The following MYO1H variants were observed in gnomAD, a reference collection of about 807,000 sequenced individuals.
MYO1H encodes myosin IH.
MYO1H carries 118 observed loss-of-function variants against 149.3 expected under a neutral mutation model. The observed-to-expected ratio is 0.79, with a 90% CI of 0.68 to 0.92. The LOEUF is 0.92. Ranked by LOEUF, MYO1H falls within the 40% of genes least tolerant of loss-of-function variation. The pLI, the probability that MYO1H is intolerant of heterozygous loss-of-function variation, is 0.00. For missense variants in MYO1H, 1,212 were observed against 1,280.7 expected, an observed-to-expected ratio of 0.95 and a Z score of 0.82; for synonymous variants, 447 against 465.2, an observed-to-expected ratio of 0.96 and a Z score of 0.50.
chr12:109,324,196 C>G, the MYO1H span, among the ~76,000 whole-genome samples: 1 of 152,150 alleles, frequency 6.6e-6, no homozygotes, highest in Non-Finnish European at 1.5e-5. Flanking sequence ...GGTCAACTGA[C>G]CAGAATGCCT....
exon 29 of MYO1H, chr12:109,444,248 G>T (rs1206006972): frequency 6.2e-7 from 1 of 1,613,750 alleles, no homozygotes; most frequent in African/African-American, 1.3e-5. Flanking sequence ...TGGAATCTTA[G>T]TCATTCATGT....
chr12:109,344,329 A>G (rs951747799), upstream of MYO1H, among the ~76,000 whole-genome samples: 1 of 152,212 alleles, frequency 6.6e-6, no homozygotes, highest in African/African-American at 2.4e-5. Flanking sequence ...CACAAAAGTC[A>G]ACTATATTTT....
the MYO1H span, among the ~76,000 whole-genome samples, chr12:109,333,801 G>C: frequency 6.6e-6 from 1 of 152,252 alleles, no homozygotes; most frequent in Admixed American, 6.5e-5. Flanking sequence ...TTTGGACTTA[G>C]AATGTTTTCA....
intron 30 of MYO1H, 24 bp downstream of exon 30, chr12:109,444,553 AG>A: frequency 6.4e-7 from 1 of 1,560,058 alleles, no homozygotes; most frequent in Non-Finnish European, 8.8e-7. Context: ...TCTTCAGCTC[AG>A]GAAGTAATTC....
chr12:109,320,734 C>T, the MYO1H span, among the ~76,000 whole-genome samples: 1 of 151,472 alleles, frequency 6.6e-6, no homozygotes, highest in East Asian at 1.9e-4. Flanking sequence ...AGAAGACAAA[C>T]TGTAAAAGGA....
At chr12:109,354,630 A>AAAAAAAAG (rs796354256) in intron 1 of MYO1H, among the ~76,000 whole-genome samples, 5,880 of 133,730 alleles carry the variant, frequency 0.044, 555 homozygotes, top group African/African-American at 0.16. Context: ...AAAAAAAAAA[A>AAAAAAAAG]AAAAGAAAAG....
intron 22 of MYO1H, 100 bp downstream of exon 22, chr12:109,436,656 C>A: frequency 1.3e-6 from 1 of 777,800 alleles, no homozygotes; most frequent in Non-Finnish European, 2.2e-6. Flanking sequence ...ATCCTTAAAA[C>A]CTTGTGTGGT....
At chr12:109,336,601 A>G in the MYO1H span, among the ~76,000 whole-genome samples, 2 of 152,228 alleles carry the variant, frequency 1.3e-5, no homozygotes, top group Non-Finnish European at 2.9e-5. Flanking sequence ...TAGCAATTTC[A>G]GTAGAAAAAA....
upstream of MYO1H, among the ~76,000 whole-genome samples, chr12:109,345,236 T>C (rs1566015301): frequency 2.0e-5 from 3 of 152,140 alleles, no homozygotes; most frequent in African/African-American, 7.2e-5. Context: ...CCAGAATATA[T>C]AAGGAGCTTC....
At chr12:109,377,973 T>C (rs1181928508) in intron 1 of MYO1H, among the ~76,000 whole-genome samples, 1 of 152,208 alleles carries the variant, frequency 6.6e-6, no homozygotes, top group Non-Finnish European at 1.5e-5. Context: ...ATTTCAGTAT[T>C]TATTTCTAAG....
chr12:109,378,198 G>A (rs1418039397), intron 1 of MYO1H, among the ~76,000 whole-genome samples: 1 of 152,096 alleles, frequency 6.6e-6, no homozygotes, highest in East Asian at 1.9e-4. Flanking sequence ...GTTTCTCTTG[G>A]GTAGATACCT....
At chr12:109,403,302 A>G (rs1481338831) in intron 6 of MYO1H, among the ~76,000 whole-genome samples, 1 of 152,232 alleles carries the variant, frequency 6.6e-6, no homozygotes, top group East Asian at 1.9e-4. Context: ...ATGGTATGAC[A>G]CATCTGATTT....
the MYO1H span, among the ~76,000 whole-genome samples, chr12:109,320,160 T>C: frequency 6.6e-6 from 1 of 150,568 alleles, no homozygotes; most frequent in African/African-American, 2.4e-5. Flanking sequence ...AAATAAAAAT[T>C]AAAAATAGCT....
the MYO1H span, among the ~76,000 whole-genome samples, chr12:109,332,444 A>G: frequency 2.0e-5 from 3 of 152,170 alleles, no homozygotes; most frequent in Non-Finnish European, 4.4e-5. Context: ...AGGGGCAGAC[A>G]TCCTCATGTA....
chr12:109,328,173 T>TGA, the MYO1H span, among the ~76,000 whole-genome samples: 1 of 150,356 alleles, frequency 6.7e-6, no homozygotes, highest in Non-Finnish European at 1.5e-5. Context: ...TGTGTGTGTG[T>TGA]GATGCCTATG....
chr12:109,440,007 A>G (rs935660703), intron 24 of MYO1H, among the ~76,000 whole-genome samples: 1 of 152,144 alleles, frequency 6.6e-6, no homozygotes, highest in Non-Finnish European at 1.5e-5. Flanking sequence ...GTAGCATTAT[A>G]AAGCCACTGG....
At chr12:109,365,349 A>G (rs1306729949) in intron 1 of MYO1H, among the ~76,000 whole-genome samples, 3 of 152,232 alleles carry the variant, frequency 2.0e-5, no homozygotes. Flanking sequence ...ATAGCTCAGC[A>G]TGGGCCAATT....
exon 1 of MYO1H, chr12:109,347,944 C>T (rs1241052769): frequency 5.0e-6 from 2 of 399,024 alleles, no homozygotes; most frequent in Non-Finnish European, 8.8e-6. Context: ...TAACAACCTG[C>T]TCTCCCTCTG....
At chr12:109,355,292 T>C (rs1868563869) in intron 1 of MYO1H, among the ~76,000 whole-genome samples, 1 of 152,158 alleles carries the variant, frequency 6.6e-6, no homozygotes, top group Admixed American at 6.6e-5. Flanking sequence ...TTCCTTAACT[T>C]AATCTTTAAA....
Sources: allele counts gnomAD v4.1 joint callset (sites outside exome capture counted in the v4.1 genomes callset), GRCh38; gene constraint gnomAD v4.1.1; transcripts MANE v1.5; gene names NCBI Gene and HGNC (gene_info 2026-07-23, HGNC 2026-07-21).